The following KANK1 variants were observed in gnomAD, a reference collection of about 807,000 sequenced individuals.
KANK1 encodes the protein KN motif and ankyrin repeat domain-containing protein 1.
KANK1 carries 109 observed loss-of-function variants against 106.2 expected under a neutral mutation model. The ratio of observed to expected loss-of-function variants is 1.03; its 90% CI spans 0.88 to 1.20. KANK1 has a LOEUF of 1.20. Among genes scored for constraint, KANK1 ranks in the 50% most tolerant of loss-of-function variants. KANK1 has a pLI of 0.00. For synonymous variants in KANK1, 873 were observed against 652.2 expected (o/e 1.34, Z -5.16); for missense variants, 2,399 against 1,710.7 (o/e 1.40, Z -7.10).
At chr9:702,647 TCC>T (rs1822971625) in intron 2 of KANK1, among the ~76,000 whole-genome samples, 1 of 152,134 alleles carries the variant, frequency 6.6e-6, no homozygotes, top group African/African-American at 2.4e-5. Flanking sequence ...TTTTAACTGG[TCC>T]TATTGAATGT....
At chr9:581,231 C>G (rs1021319238) in intron 1 of KANK1, among the ~76,000 whole-genome samples, 1 of 152,200 alleles carries the variant, frequency 6.6e-6, no homozygotes, top group Admixed American at 6.5e-5. Flanking sequence ...CACAGTGCAG[C>G]GGCGGGCTGA....
chr9:744,403 T>C, intron 10 of KANK1, 88 bp from the exon 11 acceptor site: 1 of 1,448,718 alleles, frequency 6.9e-7, no homozygotes, highest in Non-Finnish European at 9.4e-7. Context: ...CCTTGCCAAT[T>C]ATTGGAGGGT....
chr9:599,092 C>T (rs1236691007), intron 1 of KANK1, among the ~76,000 whole-genome samples: 3 of 148,296 alleles, frequency 2.0e-5, no homozygotes, highest in African/African-American at 7.6e-5. Flanking sequence ...GATCTTGGCT[C>T]ACCACAGCCT....
chr9:612,978 G>T (rs1276591278), intron 1 of KANK1, among the ~76,000 whole-genome samples: 1 of 152,054 alleles, frequency 6.6e-6, no homozygotes, highest in African/African-American at 2.4e-5. Flanking sequence ...TAACACTAAT[G>T]TGTTTTATTT....
rs774543854 is a variant in KANK1, at chr9:711,937, G to C, written c.1171G>C (p.Glu391Gln). The C allele has an allele frequency of 6.2e-7, 1 of 1,614,224 alleles. No individual in the cohort carries two copies. ...IQDSSCEASS[E>Q]LRENGECRSV... Reference sequence around the variant, plus strand: ...GGACAGCAGCTGTGAGGCCTCCTCAGAGCTCAGGGAGAATGGAGAGTGCCG... The same window carrying C: ...GGACAGCAGCTGTGAGGCCTCCTCACAGCTCAGGGAGAATGGAGAGTGCCG... Residue 391 changes from glutamate to glutamine, a missense_variant, in exon 3 of 12, where the codon GAG becomes CAG. Physicochemically the swap from Glu to Gln is conservative, Grantham distance 29. Coordinates refer to ENST00000382297, the MANE Select transcript of KANK1 (RefSeq NM_015158.5).
At chr9:588,664 A>G (rs1450132808) in intron 1 of KANK1, among the ~76,000 whole-genome samples, 1 of 152,160 alleles carries the variant, frequency 6.6e-6, no homozygotes, top group Non-Finnish European at 1.5e-5. Context: ...CTAATGCTGT[A>G]GTAGTCATGA....
chr9:703,126 G>A (rs926555663), intron 2 of KANK1, among the ~76,000 whole-genome samples: 2 of 152,044 alleles, frequency 1.3e-5, no homozygotes, highest in African/African-American at 4.8e-5. Context: ...CAAGTAGCTG[G>A]GTTTACAGGC....
At chr9:525,529 G>A (rs549594993) in intron 1 of KANK1, among the ~76,000 whole-genome samples, 6 of 151,314 alleles carry the variant, frequency 4.0e-5, no homozygotes, top group South Asian at 2.1e-4. Flanking sequence ...GCTGGGATGC[G>A]CCGCCATGCC....
chr9:662,650 C>T (rs1035663520), intron 1 of KANK1, among the ~76,000 whole-genome samples: 2 of 143,720 alleles, frequency 1.4e-5, no homozygotes, highest in Non-Finnish European at 3.0e-5. Flanking sequence ...TTCCTTACAC[C>T]TTATACAAAA....
At chr9:736,392 C>T (rs1251392626) in intron 7 of KANK1, among the ~76,000 whole-genome samples, 1 of 152,080 alleles carries the variant, frequency 6.6e-6, no homozygotes, top group African/African-American at 2.4e-5. Flanking sequence ...ATACAGAGGG[C>T]CAGCTGTACT....
In KANK1 at chr9:534,423, G is replaced by A. The variant is rs538958326; in HGVS notation, c.-84+29669G>A. Among the ~76,000 whole-genome samples the A allele has an allele frequency of 8.5e-4, 129 of 152,298 alleles. 1 individual carries two copies. Among genetic ancestry groups the A allele is most frequent in the Non-Finnish European group, 1.5e-3 (101 of 68,030 alleles). On this transcript the variant is annotated intron_variant, in intron 1 of 11. Transcript: ENST00000382297. Reference sequence around the variant, plus strand: ...ATCAACAGAAAGTAATGTAAGATGTGATATCTTTTCAGCAGGACCTAAGGA... The same window carrying A: ...ATCAACAGAAAGTAATGTAAGATGTAATATCTTTTCAGCAGGACCTAAGGA...
At chr9:606,171 ACACACACAC>A (rs1829076849) in intron 1 of KANK1, among the ~76,000 whole-genome samples, 1 of 150,292 alleles carries the variant, frequency 6.7e-6, no homozygotes, top group South Asian at 2.1e-4. Context: ...ACACACACAC[ACACACACAC>A]ACCACTCACA....
chr9:507,481 C>T (rs1035883458), intron 1 of KANK1, among the ~76,000 whole-genome samples: 7 of 152,102 alleles, frequency 4.6e-5, no homozygotes, highest in African/African-American at 1.7e-4. Flanking sequence ...CCTCCGCCTC[C>T]CAGGTTTAAG....
chr9:543,559 CAAAAAAAAA>C (rs57776331), intron 1 of KANK1, among the ~76,000 whole-genome samples: 1 of 120,486 alleles, frequency 8.3e-6, no homozygotes, highest in Non-Finnish European at 1.9e-5. Context: ...AACTCTGTCT[CAAAAAAAAA>C]AAAAAAAAAA....
rs1836944844 is a variant in KANK1 at position 745,455 on chromosome 9, C to T, written c.*220C>T. ...GTCTTCTGTGTAGGGCACACTTTAA[C>T]CCAGTCTCTGTTGCTGTTGAGTCTC... On this transcript the variant is annotated 3_prime_UTR_variant, in exon 12 of 12. Transcript: ENST00000382297. The T allele has an allele frequency of 4.1e-6, 2 of 488,974 alleles. No homozygotes were observed. The highest frequency in any genetic ancestry group is 5.1e-5 in the South Asian group (2 of 38,876). 30.3% of individuals were successfully genotyped at this position (488,974 alleles called of 1,614,324 possible).
At chr9:538,683 G>A (rs2060432587) in intron 1 of KANK1, among the ~76,000 whole-genome samples, 1 of 152,148 alleles carries the variant, frequency 6.6e-6, no homozygotes, top group African/African-American at 2.4e-5. Flanking sequence ...TAGAACATAA[G>A]GAAGGAGTCA....
chr9:646,342 A>C (rs1385453648), intron 1 of KANK1, among the ~76,000 whole-genome samples: 3 of 150,844 alleles, frequency 2.0e-5, no homozygotes, highest in Non-Finnish European at 4.4e-5. Context: ...CCTAAAAAAA[A>C]AATTTAAGAA....
intron 2 of KANK1, among the ~76,000 whole-genome samples, 192 bp from the exon 3 acceptor site, chr9:710,612 T>A (rs1402347057): frequency 2.0e-5 from 2 of 99,654 alleles, no homozygotes; most frequent in South Asian, 3.7e-4. Flanking sequence ...GAATGACCTG[T>A]CTCAAAAAAA....
intron 1 of KANK1, among the ~76,000 whole-genome samples, chr9:625,903 C>T (rs530602546): frequency 3.1e-4 from 47 of 152,242 alleles, no homozygotes; most frequent in African/African-American, 1.1e-3. Context: ...CCACGGTCCC[C>T]AGATGATCAT....
Sources: allele counts gnomAD v4.1 joint callset (sites outside exome capture counted in the v4.1 genomes callset), GRCh38; gene constraint gnomAD v4.1.1; transcripts MANE v1.5; gene names NCBI Gene and HGNC (gene_info 2026-07-23, HGNC 2026-07-21).